Variants in PRKG1 observed in about 807,000 individuals in gnomAD.
PRKG1 encodes the protein cGMP-dependent protein kinase 1.
In PRKG1, 35 loss-of-function variants were observed where a neutral mutation model predicts 88.1. That is an observed-to-expected ratio of 0.40 (90% confidence interval 0.30 to 0.53). The LOEUF (loss-of-function observed/expected upper bound fraction) is 0.53. Ranked by LOEUF, PRKG1 falls within the 20% of genes least tolerant of loss-of-function variation. The pLI, the probability that PRKG1 is intolerant of heterozygous loss-of-function variation, is 0.59. For missense variants in PRKG1, 540 were observed against 839.8 expected (o/e 0.64, Z 4.41); for synonymous variants, 303 against 292.5 (o/e 1.04, Z -0.37).
At chr10:52,250,792 G>A (rs1841150929) in intron 9 of PRKG1, among the ~76,000 whole-genome samples, 1 of 152,118 alleles carries the variant, frequency 6.6e-6, no homozygotes, top group East Asian at 1.9e-4. Flanking sequence ...ATCAGGAGAA[G>A]CTTATTTTGG....
chr10:51,808,838 A>G (rs1018477125), intron 4 of PRKG1, among the ~76,000 whole-genome samples: 4 of 152,182 alleles, frequency 2.6e-5, no homozygotes, highest in Admixed American at 1.3e-4. Flanking sequence ...TGAAAACTCT[A>G]GCAAAGGATC....
At chr10:51,403,681 C>G (rs984709435) in intron 2 of PRKG1, among the ~76,000 whole-genome samples, 8 of 152,246 alleles carry the variant, frequency 5.3e-5, no homozygotes, top group African/African-American at 1.9e-4. Flanking sequence ...CTGTCAAACT[C>G]TTTCCCAAGA....
chr10:52,210,855 A>G (rs1378129100), intron 9 of PRKG1, among the ~76,000 whole-genome samples: 1 of 152,214 alleles, frequency 6.6e-6, no homozygotes, highest in Non-Finnish European at 1.5e-5. Context: ...AGAATTCATA[A>G]CATAATTGCA....
chr10:52,179,795 T>C (rs537757815), intron 9 of PRKG1, among the ~76,000 whole-genome samples: 1 of 152,336 alleles, frequency 6.6e-6, no homozygotes, highest in East Asian at 1.9e-4. Flanking sequence ...TTCAAGCAAT[T>C]ATCCTGCCTC....
chr10:51,573,735 C>CAGA (rs768015526), intron 3 of PRKG1, among the ~76,000 whole-genome samples: 34 of 151,832 alleles, frequency 2.2e-4, no homozygotes, highest in Non-Finnish European at 4.9e-4. Context: ...TGTCAGTGAG[C>CAGA]AGAAATACTT....
chr10:51,766,341 G>A (rs1044088348), intron 3 of PRKG1, among the ~76,000 whole-genome samples: 1 of 152,090 alleles, frequency 6.6e-6, no homozygotes, highest in Non-Finnish European at 1.5e-5. Context: ...GCTTGAGTTA[G>A]TTGCTCCATA....
At position 51,317,653 on chromosome 10, in the gene PRKG1, G is replaced by C. The variant is rs16916757; in HGVS notation, c.479-150070G>C. On this transcript the variant is annotated intron_variant, in intron 2 of 17. Transcript: ENST00000373980. The stretch of plus-strand genomic sequence containing the variant: ...GGACAGGCCAGACTTCAAGGACAAG[G>C]AAGATGAATAATGGGAAACTCATAG... 0.016 allele frequency among the ~76,000 whole-genome samples: 2,479 copies of C among 152,276 alleles called. 141 individuals are homozygous for C. The East Asian group carries it at 0.19, about 12-fold the overall frequency.
intron 2 of PRKG1, among the ~76,000 whole-genome samples, chr10:51,168,097 A>G (rs1046834458): frequency 1.3e-5 from 2 of 152,190 alleles, no homozygotes; most frequent in African/African-American, 4.8e-5. Context: ...ATTCCTTCCT[A>G]TTTTATGCAA....
chr10:52,072,652 G>A (rs1846530972), intron 7 of PRKG1, among the ~76,000 whole-genome samples: 1 of 152,048 alleles, frequency 6.6e-6, no homozygotes, highest in African/African-American at 2.4e-5. Context: ...CCAGAAATTT[G>A]GACATTATCC....
Position 51,651,518 on chromosome 10 carries a change from A to AC in PRKG1, c.593-153062dup, listed in dbSNP as rs1435012256. 2.7e-5 allele frequency among the ~76,000 whole-genome samples: 4 copies of AC among 150,552 alleles called. No individual in the cohort carries two copies. In the East Asian group the frequency reaches 7.8e-4, roughly 29 times the overall value. ...GAAGAGTGATTTCTCTCTTCTTTGG[A>AC]CCCCCTTAGCATTCTATTTCCCTCA... On this transcript the variant is annotated intron_variant, in intron 3 of 17. Transcript: ENST00000373980.
In PRKG1 at chr10:51,745,861, A is replaced by T. The variant is rs182413008; in HGVS notation, c.593-58724A>T. On this transcript the variant is annotated intron_variant, in intron 3 of 17. Coordinates refer to ENST00000373980, the MANE Select transcript of PRKG1 (RefSeq NM_006258.4). ...CTGTCTCTACTAAAAATACAAAAAA[A>T]TACACAGGGGTCTCATGATGTCACC... Among the ~76,000 whole-genome samples, 57 of 152,068 alleles carry T rather than the reference A, an allele frequency of 3.7e-4. No homozygotes were observed. In the East Asian group the frequency reaches 4.5e-3, roughly 12 times the overall value.
intron 4 of PRKG1, among the ~76,000 whole-genome samples, chr10:51,837,800 A>T (rs943229525): frequency 7.2e-5 from 11 of 152,182 alleles, no homozygotes; most frequent in African/African-American, 2.7e-4. Flanking sequence ...GCCCTAGTAT[A>T]CTCAGAGCAA....
intron 2 of PRKG1, among the ~76,000 whole-genome samples, chr10:51,170,516 A>T (rs1846675744): frequency 6.6e-6 from 1 of 151,776 alleles, no homozygotes; most frequent in Admixed American, 6.6e-5. Context: ...TGGCAAGGGG[A>T]TAGTGTGACA....
chr10:51,568,619 C>T (rs1434464551), intron 3 of PRKG1: 2 of 151,990 alleles, frequency 1.3e-5, no homozygotes, highest in African/African-American at 2.4e-5. Context: ...ATTTAAATAA[C>T]TTTATAGCAA....
At chr10:51,711,595 G>A (rs900980107) in intron 3 of PRKG1, among the ~76,000 whole-genome samples, 2 of 152,152 alleles carry the variant, frequency 1.3e-5, no homozygotes, top group African/African-American at 4.8e-5. Context: ...AACTGAAGTT[G>A]TCTTGCCTTT....
chr10:52,247,013 T>G (rs1841042261), intron 9 of PRKG1, among the ~76,000 whole-genome samples: 1 of 151,892 alleles, frequency 6.6e-6, no homozygotes, highest in South Asian at 2.1e-4. Flanking sequence ...TCTGCCTTCT[T>G]CACACAACAT....
chr10:52,126,454 G>A (rs1305626326), intron 7 of PRKG1, among the ~76,000 whole-genome samples: 1 of 152,030 alleles, frequency 6.6e-6, no homozygotes, highest in East Asian at 1.9e-4. Flanking sequence ...GGTAGATGGT[G>A]TTACAGTACT....
At chr10:51,853,794 G>A (rs1212127187) in intron 4 of PRKG1, among the ~76,000 whole-genome samples, 1 of 152,144 alleles carries the variant, frequency 6.6e-6, no homozygotes, top group East Asian at 1.9e-4. Context: ...GCTGATTTGG[G>A]AGAGAAGCAG....
At chr10:51,203,382 G>T (rs779943898) in intron 2 of PRKG1, among the ~76,000 whole-genome samples, 1 of 151,880 alleles carries the variant, frequency 6.6e-6, no homozygotes, top group Non-Finnish European at 1.5e-5. Flanking sequence ...TTATATTTTC[G>T]TCTCTCCTTG....
Sources: allele counts gnomAD v4.1 joint callset (sites outside exome capture counted in the v4.1 genomes callset), GRCh38; gene constraint gnomAD v4.1.1; transcripts MANE v1.5; gene names NCBI Gene and HGNC (gene_info 2026-07-23, HGNC 2026-07-21).